The following SRRM1 variants were observed in gnomAD, a reference collection of about 807,000 sequenced individuals.
SRRM1 encodes the protein serine and arginine repetitive matrix 1.
Under a neutral mutation model 110.2 loss-of-function variants are expected in SRRM1, and 19 were observed. The observed-to-expected ratio is 0.17, with a 90% CI of 0.12 to 0.25. SRRM1 has a LOEUF of 0.25. Among genes scored for constraint, SRRM1 ranks in the 10% least tolerant of loss-of-function variants. SRRM1 has a pLI of 1.00. For synonymous variants in SRRM1, 443 were observed against 414.9 expected, an observed-to-expected ratio of 1.07 and a Z score of -0.82; for missense variants, 918 against 1,145.8, an observed-to-expected ratio of 0.80 and a Z score of 2.87.
rs772572852 is a variant in SRRM1 at position 24,662,810 on chromosome 1, A to G, written c.1628+6A>G. ...CAAAAAGAGACTTCCCCTCGGTAAC[A>G]TCTTTGCTTCAGTGATGTTCACTGA... On this transcript the variant is annotated splice_donor_region_variant and intron_variant, in intron 12 of 16. Transcript: ENST00000323848. The G allele has an allele frequency of 9.3e-6, 15 of 1,613,976 alleles. No homozygotes were observed. The highest frequency in any genetic ancestry group is 1.7e-5 in the Admixed American group (1 of 60,008).
At chr1:24,659,871 T>C (rs1245207106) in intron 9 of SRRM1, among the ~76,000 whole-genome samples, 1 of 152,258 alleles carries the variant, frequency 6.6e-6, no homozygotes, top group Non-Finnish European at 1.5e-5. Flanking sequence ...ACTTGAGGTA[T>C]AGAAATGCCT....
chr1:24,663,010 C>T (rs753764618), intron 12 of SRRM1: 4 of 937,716 alleles, frequency 4.3e-6, no homozygotes, highest in South Asian at 1.9e-5. Flanking sequence ...AAATTTTAAA[C>T]CACCATGTCA....
chr1:24,645,247 C>A (rs775414026), intron 1 of SRRM1, among the ~76,000 whole-genome samples: 2 of 152,186 alleles, frequency 1.3e-5, no homozygotes, highest in Non-Finnish European at 2.9e-5. Context: ...ACAGTTTTTA[C>A]CTTCTCAAAC....
chr1:24,663,301 T>A, intron 12 of SRRM1: 1 of 1,111,774 alleles, frequency 9.0e-7, no homozygotes, highest in Non-Finnish European at 1.3e-6. Flanking sequence ...TTAGGTGACC[T>A]CATCTCATTC....
Position 24,673,125 on chromosome 1 carries a change from T to C in SRRM1, c.*839T>C, listed in dbSNP as rs1673387290. The stretch of plus-strand genomic sequence containing the variant: ...TACAACTTTCAGAGCCTCTTGTATT[T>C]GGAAGGCTGGAAGGGCCCAGACTTT... On this transcript the variant is annotated 3_prime_UTR_variant, in exon 17 of 17. Coordinates refer to ENST00000323848, the MANE Select transcript of SRRM1 (RefSeq NM_005839.4). The C allele has an allele frequency of 1.3e-5, 2 of 152,208 alleles. No individual in the cohort carries two copies. Among genetic ancestry groups the C allele is most frequent in the African/African-American group, 4.8e-5 (2 of 41,454 alleles). The allele number at this position is 152,208 out of a possible 1,614,324, so 9.4% of individuals were successfully genotyped here. A position where few individuals can be genotyped will look rare whatever the true frequency, so the allele number is the denominator to read the frequency against.
chr1:24,644,761 A>G (rs546960786), intron 1 of SRRM1, among the ~76,000 whole-genome samples: 1 of 152,268 alleles, frequency 6.6e-6, no homozygotes, highest in Admixed American at 6.5e-5. Flanking sequence ...AATATTCAAT[A>G]TTTTCTGCAG....
At chr1:24,666,506 A>C (rs1283444719) in intron 12 of SRRM1, 1 of 282,166 alleles carries the variant, frequency 3.5e-6, no homozygotes, top group Non-Finnish European at 6.8e-6. Context: ...TCACACCTAT[A>C]ATCCCAGCAC....
chr1:24,649,870 T>G (rs1048026196), intron 4 of SRRM1, 101 bp from the exon 5 acceptor site: 100 of 1,060,320 alleles, frequency 9.4e-5, no homozygotes, highest in Non-Finnish European at 1.2e-4. Flanking sequence ...AAGAGGCCGA[T>G]GAAATGATAA....
Position 24,658,208 on chromosome 1 carries a change from A to AT in SRRM1, c.1316-2492dup, listed in dbSNP as rs573100578. Among the ~76,000 whole-genome samples, 848 of 137,508 alleles carry AT rather than the reference A, an allele frequency of 6.2e-3. 9 individuals carry two copies. The highest frequency in any genetic ancestry group is 0.04 in the East Asian group (195 of 4,908). The allele number at this position is 137,508 out of a possible 152,430, so 90.2% of individuals were successfully genotyped here. A position where few individuals can be genotyped will look rare whatever the true frequency, so the allele number is the denominator to read the frequency against. On this transcript the variant is annotated intron_variant, in intron 9 of 16. Coordinates refer to ENST00000323848, the MANE Select transcript of SRRM1 (RefSeq NM_005839.4). Reference sequence around the variant, plus strand: ...AAATGATAGTTGTTTGATGGTATAAATTTTTTTTTTTTTTTTTTTGGAGAC... The same window carrying AT: ...AAATGATAGTTGTTTGATGGTATAAATTTTTTTTTTTTTTTTTTTTGGAGAC...
intron 15 of SRRM1, 134 bp downstream of exon 15, chr1:24,670,449 T>C (rs1303372392): frequency 2.2e-6 from 2 of 927,422 alleles, no homozygotes; most frequent in Admixed American, 6.4e-5. Context: ...ATACATCTGA[T>C]CTTGGGCAGG....
intron 3 of SRRM1, 31 bp from the exon 4 acceptor site, chr1:24,648,828 C>A: frequency 6.2e-7 from 1 of 1,600,204 alleles, no homozygotes; most frequent in South Asian, 1.1e-5. Flanking sequence ...TTGAAGTAAC[C>A]TGTTTTTCTT....
chr1:24,662,887 GT>G, intron 12 of SRRM1, 83 bp downstream of exon 12: 2 of 1,549,302 alleles, frequency 1.3e-6, no homozygotes. Context: ...TGAGAATTTG[GT>G]TAACTCCTTC....
intron 12 of SRRM1, among the ~76,000 whole-genome samples, chr1:24,663,912 AAT>A: frequency 7.1e-6 from 1 of 141,770 alleles, no homozygotes; most frequent in African/African-American, 2.6e-5. Context: ...TAATAATAAT[AAT>A]AAATAAAAGC....
At chr1:24,664,317 T>C (rs992043446) in intron 12 of SRRM1, among the ~76,000 whole-genome samples, 4 of 149,930 alleles carry the variant, frequency 2.7e-5, no homozygotes, top group Non-Finnish European at 4.4e-5. Context: ...ATTGAAACTT[T>C]TGATTATTAG....
At chr1:24,648,744 A>C in intron 3 of SRRM1, 115 bp from the exon 4 acceptor site, 1 of 840,594 alleles carries the variant, frequency 1.2e-6, no homozygotes, top group South Asian at 1.7e-5. Context: ...ATATATGTCT[A>C]AGCCCCTATG....
intron 5 of SRRM1, 127 bp downstream of exon 5, chr1:24,650,213 A>ACCTGTGC (rs1659834726): frequency 3.5e-6 from 3 of 869,314 alleles, no homozygotes; most frequent in Non-Finnish European, 4.8e-6. Context: ...TTTCATGGTG[A>ACCTGTGC]CCTGTGCCTT....
chr1:24,653,127 A>G (rs897506837), intron 8 of SRRM1, 95 bp downstream of exon 8: 1 of 1,195,214 alleles, frequency 8.4e-7, no homozygotes, highest in African/African-American at 1.5e-5. Context: ...CCTGGAAGAA[A>G]GAACTGATAG....
chr1:24,662,606 G>T, intron 11 of SRRM1, 54 bp from the exon 12 acceptor site: 1 of 1,583,594 alleles, frequency 6.3e-7, no homozygotes. Flanking sequence ...CAGAAAACTT[G>T]GACAGATTCA....
rs142362558 is a variant in SRRM1 at position 24,669,075 on chromosome 1, T to C, written c.1740-48T>C. On this transcript the variant is annotated intron_variant, in intron 13 of 16. Coordinates refer to ENST00000323848, the MANE Select transcript of SRRM1 (RefSeq NM_005839.4). ...CCTACTGATTACTTTTCATCCTGTT[T>C]CTGTATTTTGTTGAGCCTTTCAGCT... The C allele has an allele frequency of 8.0e-3, 12,136 of 1,514,226 alleles. 62 individuals carry two copies. Among genetic ancestry groups the C allele is most frequent in the Non-Finnish European group, 9.9e-3 (10,910 of 1,105,922 alleles). The allele number at this position is 1,514,226 out of a possible 1,614,324, so 93.8% of individuals were successfully genotyped here. A position where few individuals can be genotyped will look rare whatever the true frequency, so the allele number is the denominator to read the frequency against.
Sources: gnomAD v4.1 joint callset for allele counts (sites outside exome capture counted in the v4.1 genomes callset) on GRCh38, gnomAD v4.1.1 for gene constraint, MANE v1.5 for transcripts, NCBI Gene and HGNC (gene_info 2026-07-23, HGNC 2026-07-21) for gene names.